Variants in EYA1 observed in about 807,000 individuals in gnomAD.
EYA1 encodes the protein protein phosphatase EYA1.
In EYA1, 16 loss-of-function variants were observed where a neutral mutation model predicts 82.0. The ratio of observed to expected loss-of-function variants is 0.20; its 90% CI spans 0.13 to 0.30. The LOEUF (loss-of-function observed/expected upper bound fraction) is 0.30, where lower values mean the gene tolerates loss of function less well. EYA1 is among the 10% of genes least tolerant of loss of function. The pLI is 1.00. For synonymous variants in EYA1, 261 were observed against 264.4 expected, an observed-to-expected ratio of 0.99 and a Z score of 0.12; for missense variants, 633 against 730.7, an observed-to-expected ratio of 0.87 and a Z score of 1.54.
intron 2 of EYA1, among the ~76,000 whole-genome samples, chr8:71,422,547 C>A (rs999570481): frequency 9.9e-5 from 15 of 152,158 alleles, no homozygotes; most frequent in African/African-American, 3.4e-4. Context: ...CAGATACCTA[C>A]TGTATTAGTC....
chr8:71,439,916 G>A (rs1806287224), intron 2 of EYA1, among the ~76,000 whole-genome samples: 3 of 152,120 alleles, frequency 2.0e-5, no homozygotes, highest in Admixed American at 2.0e-4. Flanking sequence ...AAAACACCTA[G>A]ACTGCGGCCT....
chr8:71,496,038 A>G (rs921296977), intron 2 of EYA1, among the ~76,000 whole-genome samples: 8 of 152,244 alleles, frequency 5.3e-5, no homozygotes, highest in Non-Finnish European at 1.2e-4. Context: ...CAAAACAAGT[A>G]TTAAAAATGT....
intron 11 of EYA1, among the ~76,000 whole-genome samples, chr8:71,262,743 C>G (rs1445407): frequency 0.63 from 95,217 of 152,054 alleles, 31,562 homozygotes; most frequent in African/African-American, 0.82. Flanking sequence ...AGAGGGGCTG[C>G]CTGTTAAAGG....
At chr8:71,225,515 C>T (rs1810451632) in intron 12 of EYA1, among the ~76,000 whole-genome samples, 2 of 152,236 alleles carry the variant, frequency 1.3e-5, no homozygotes, top group Admixed American at 6.5e-5. Context: ...TGAAATTTGC[C>T]CCATTCTGTT....
chr8:71,348,521 T>C (rs1279374008), intron 3 of EYA1, among the ~76,000 whole-genome samples: 1 of 152,214 alleles, frequency 6.6e-6, no homozygotes, highest in Non-Finnish European at 1.5e-5. Flanking sequence ...AAAAGCTGTC[T>C]ACATCTAGAC....
chr8:71,329,060 G>A (rs1035959609), intron 4 of EYA1, among the ~76,000 whole-genome samples: 1 of 152,166 alleles, frequency 6.6e-6, no homozygotes, highest in South Asian at 2.1e-4. Context: ...GACAGAGACC[G>A]AGGATTAATC....
intron 2 of EYA1, among the ~76,000 whole-genome samples, chr8:71,473,048 C>T (rs1031963281): frequency 6.6e-6 from 1 of 151,528 alleles, no homozygotes. Flanking sequence ...AAATAATGTC[C>T]AACTCTAGCA....
At chr8:71,399,068 C>A (rs1379481755) in intron 2 of EYA1, among the ~76,000 whole-genome samples, 1 of 152,202 alleles carries the variant, frequency 6.6e-6, no homozygotes, top group East Asian at 1.9e-4. Flanking sequence ...GTAAGTGAGG[C>A]TCTGTGGGCG....
intron 2 of EYA1, among the ~76,000 whole-genome samples, chr8:71,448,492 C>G (rs1047304682): frequency 6.6e-6 from 1 of 152,158 alleles, no homozygotes; most frequent in African/African-American, 2.4e-5. Context: ...CCCCTGAAGT[C>G]TTGAACTCCT....
intron 2 of EYA1, among the ~76,000 whole-genome samples, chr8:71,379,237 T>C (rs921379962): frequency 6.6e-5 from 10 of 151,784 alleles, no homozygotes; most frequent in Admixed American, 6.6e-4. Context: ...GACAAGACCA[T>C]AGAGGACCAG....
intron 9 of EYA1, among the ~76,000 whole-genome samples, chr8:71,283,900 T>G (rs1484201862): frequency 6.6e-6 from 1 of 152,198 alleles, no homozygotes; most frequent in Non-Finnish European, 1.5e-5. Flanking sequence ...GATGTATTAC[T>G]GTCCCCAGTT....
chr8:71,474,172 A>G (rs1651087848), intron 2 of EYA1, among the ~76,000 whole-genome samples: 1 of 150,064 alleles, frequency 6.7e-6, no homozygotes, highest in African/African-American at 2.5e-5. Context: ...CGTTCTGCAC[A>G]TGTATCCCAG....
At chr8:71,253,438 G>A (rs74369830) in intron 11 of EYA1, among the ~76,000 whole-genome samples, 1 of 152,166 alleles carries the variant, frequency 6.6e-6, no homozygotes, top group Non-Finnish European at 1.5e-5. Context: ...TAGGGGAAAG[G>A]TGGTCTATTC....
intron 2 of EYA1, among the ~76,000 whole-genome samples, chr8:71,431,894 T>C (rs1805645274): frequency 6.6e-6 from 1 of 152,164 alleles, no homozygotes; most frequent in Admixed American, 6.6e-5. Flanking sequence ...AGCCTAAATT[T>C]GGCAATCTGT....
chr8:71,255,362 G>A (rs1274303444), intron 11 of EYA1, among the ~76,000 whole-genome samples: 2 of 152,118 alleles, frequency 1.3e-5, no homozygotes, highest in Non-Finnish European at 2.9e-5. Flanking sequence ...CAAAGACACA[G>A]TAATCAAAAC....
chr8:71,381,349 G>C (rs961853693), intron 2 of EYA1, among the ~76,000 whole-genome samples: 2 of 152,150 alleles, frequency 1.3e-5, no homozygotes, highest in Non-Finnish European at 2.9e-5. Flanking sequence ...AATGTGGAAG[G>C]AAAGAAGCTT....
At chr8:71,253,539 A>C (rs1563699915) in intron 11 of EYA1, among the ~76,000 whole-genome samples, 1 of 152,150 alleles carries the variant, frequency 6.6e-6, no homozygotes, top group Non-Finnish European at 1.5e-5. Context: ...TTGTATATAA[A>C]TCTCTAAATC....
chr8:71,220,800 C>A (rs1256486358), intron 12 of EYA1, among the ~76,000 whole-genome samples: 1 of 151,956 alleles, frequency 6.6e-6, no homozygotes, highest in East Asian at 1.9e-4. Flanking sequence ...AGAGCAAGTT[C>A]AAAGGCCCTG....
At chr8:71,243,019 C>T (rs1563680804) in intron 12 of EYA1, among the ~76,000 whole-genome samples, 1 of 152,082 alleles carries the variant, frequency 6.6e-6, no homozygotes, top group Admixed American at 6.5e-5. Context: ...CTCAGGTGAT[C>T]CAGCTGCCTC....
Sources: allele counts gnomAD v4.1 joint callset (sites outside exome capture counted in the v4.1 genomes callset), GRCh38; gene constraint gnomAD v4.1.1; transcripts MANE v1.5; gene names NCBI Gene and HGNC (gene_info 2026-07-23, HGNC 2026-07-21).